NELL2: variants seen among roughly 807,000 people sequenced by gnomAD.
NELL2 encodes protein kinase C-binding protein NELL2.
In NELL2, 41 loss-of-function variants were observed where a neutral mutation model predicts 109.6. The observed-to-expected ratio is 0.37, with a 90% CI of 0.29 to 0.49. The LOEUF is 0.49. NELL2 is among the 20% of genes least tolerant of loss of function. The pLI is 0.98. For synonymous variants in NELL2, 355 were observed against 344.7 expected, an observed-to-expected ratio of 1.03 and a Z score of -0.33; for missense variants, 900 against 1,008.3, an observed-to-expected ratio of 0.89 and a Z score of 1.45.
chr12:44,615,939 C>A (rs1394843529), intron 13 of NELL2, among the ~76,000 whole-genome samples: 2 of 152,060 alleles, frequency 1.3e-5, no homozygotes, highest in Non-Finnish European at 2.9e-5. Flanking sequence ...ACAAAGTAAC[C>A]AGCTAACAGA....
At chr12:44,557,200 C>G (rs1229933196) in intron 15 of NELL2, among the ~76,000 whole-genome samples, 1 of 152,282 alleles carries the variant, frequency 6.6e-6, no homozygotes, top group Middle Eastern at 3.4e-3. Context: ...TCTTTGGATC[C>G]TACCATTTTG....
intron 14 of NELL2, 122 bp from the exon 15 acceptor site, chr12:44,607,386 TTTG>T: frequency 2.9e-6 from 2 of 679,554 alleles, no homozygotes; most frequent in Non-Finnish European, 4.6e-6. Flanking sequence ...CTATTTTAAT[TTTG>T]TTTTCATGTA....
intron 12 of NELL2, among the ~76,000 whole-genome samples, chr12:44,685,398 C>T (rs76916261): frequency 0.13 from 19,294 of 152,062 alleles, 1,449 homozygotes; most frequent in East Asian, 0.21. Context: ...TTAATTGCAG[C>T]ATTTAGTCCA....
chr12:44,674,882 G>GTT (rs1173364105), intron 12 of NELL2, among the ~76,000 whole-genome samples: 1 of 152,076 alleles, frequency 6.6e-6, no homozygotes, highest in Non-Finnish European at 1.5e-5. Flanking sequence ...ATTTTATTAA[G>GTT]TTTTTTTTAA....
intron 1 of NELL2, among the ~76,000 whole-genome samples, chr12:44,882,782 C>T (rs769661816): frequency 6.6e-6 from 1 of 151,168 alleles, no homozygotes; most frequent in Non-Finnish European, 1.5e-5. Context: ...CCCACCTCAG[C>T]CTCCCAAACT....
intron 15 of NELL2, among the ~76,000 whole-genome samples, chr12:44,598,574 A>C (rs1945062766): frequency 6.6e-6 from 1 of 152,180 alleles, no homozygotes; most frequent in African/African-American, 2.4e-5. Flanking sequence ...ACTTATGTTT[A>C]AAACAGGTGA....
At chr12:44,789,849 A>G (rs1942315026) in intron 3 of NELL2, among the ~76,000 whole-genome samples, 1 of 152,194 alleles carries the variant, frequency 6.6e-6, no homozygotes, top group East Asian at 1.9e-4. Context: ...TCTCAGCAAT[A>G]GAACTGAACA....
chr12:44,575,303 TATAAC>T (rs1333638912), intron 15 of NELL2, among the ~76,000 whole-genome samples: 2 of 152,246 alleles, frequency 1.3e-5, no homozygotes, highest in African/African-American at 4.8e-5. Context: ...AGTAAATAGA[TATAAC>T]ATAATAATTG....
intron 13 of NELL2, among the ~76,000 whole-genome samples, chr12:44,659,524 A>G (rs575623407): frequency 6.6e-6 from 1 of 152,314 alleles, no homozygotes; most frequent in South Asian, 2.1e-4. Flanking sequence ...CAACTCCATC[A>G]AAAAGTGGGC....
chr12:44,832,692 G>A (rs974699999), intron 2 of NELL2, among the ~76,000 whole-genome samples: 1 of 152,166 alleles, frequency 6.6e-6, no homozygotes, highest in Non-Finnish European at 1.5e-5. Flanking sequence ...TGATTTAAAG[G>A]TAGAGTAGAT....
intron 15 of NELL2, among the ~76,000 whole-genome samples, chr12:44,583,424 A>T (rs1283735921): frequency 6.6e-6 from 1 of 152,234 alleles, no homozygotes; most frequent in Non-Finnish European, 1.5e-5. Context: ...AGTAAAACTT[A>T]TGAGAGCAGA....
At chr12:44,568,786 T>TAC (rs933794632) in intron 15 of NELL2, among the ~76,000 whole-genome samples, 1 of 152,100 alleles carries the variant, frequency 6.6e-6, no homozygotes, top group Non-Finnish European at 1.5e-5. Flanking sequence ...GCTTTATATA[T>TAC]ACACATACAT....
At chr12:44,588,633 C>T (rs1021054025) in intron 15 of NELL2, among the ~76,000 whole-genome samples, 1 of 152,150 alleles carries the variant, frequency 6.6e-6, no homozygotes, top group Non-Finnish European at 1.5e-5. Flanking sequence ...TGGAACAGGT[C>T]TAAACCTGAG....
intron 9 of NELL2, among the ~76,000 whole-genome samples, chr12:44,772,152 A>G (rs1267055675): frequency 2.0e-5 from 3 of 152,204 alleles, no homozygotes; most frequent in Non-Finnish European, 4.4e-5. Context: ...AAAAGAGTAA[A>G]AAACATAGGA....
chr12:44,598,138 T>A (rs528945877), intron 15 of NELL2, among the ~76,000 whole-genome samples: 1 of 135,970 alleles, frequency 7.4e-6, no homozygotes, highest in African/African-American at 2.8e-5. Context: ...CTAAAAAAAT[T>A]AACCTGGAAT....
chr12:44,738,282 C>T (rs1350970469), intron 9 of NELL2, among the ~76,000 whole-genome samples: 1 of 152,102 alleles, frequency 6.6e-6, no homozygotes, highest in Non-Finnish European at 1.5e-5. Flanking sequence ...GAACATAGAT[C>T]TAGCAATACC....
At chr12:44,806,066 A>G (rs1217954867) in intron 3 of NELL2, among the ~76,000 whole-genome samples, 2 of 151,786 alleles carry the variant, frequency 1.3e-5, no homozygotes, top group African/African-American at 4.8e-5. Flanking sequence ...CCCTTTAGAG[A>G]CAGAAAGTAT....
chr12:44,843,259 C>T (rs749712156), intron 2 of NELL2, among the ~76,000 whole-genome samples: 1 of 150,192 alleles, frequency 6.7e-6, no homozygotes, highest in African/African-American at 2.4e-5. Flanking sequence ...TAAACAGAAA[C>T]TTCATAAAGG....
intron 2 of NELL2, among the ~76,000 whole-genome samples, chr12:44,839,397 A>G (rs1944153911): frequency 6.6e-6 from 1 of 152,218 alleles, no homozygotes; most frequent in African/African-American, 2.4e-5. Context: ...ATGATATACA[A>G]TAGAACACAT....
Sources: gnomAD v4.1 joint callset for allele counts (sites outside exome capture counted in the v4.1 genomes callset) on GRCh38, gnomAD v4.1.1 for gene constraint, MANE v1.5 for transcripts, NCBI Gene and HGNC (gene_info 2026-07-23, HGNC 2026-07-21) for gene names.